Variants in NCALD observed in about 807,000 individuals in gnomAD.
The protein encoded by NCALD is neurocalcin delta, also known as neurocalcin-delta.
NCALD carries 10 observed loss-of-function variants against 18.6 expected under a neutral mutation model. The ratio of observed to expected loss-of-function variants is 0.54; its 90% CI spans 0.33 to 0.91. NCALD has a LOEUF of 0.91. NCALD is among the 40% of genes least tolerant of loss of function. NCALD has a pLI of 0.03. For missense variants in NCALD, 184 were observed against 247.6 expected (o/e 0.74, Z 1.72); for synonymous variants, 88 against 87.4 (o/e 1.01, Z -0.04).
chr8:101,845,632 T>C (rs982679704), intron 4 of NCALD, among the ~76,000 whole-genome samples: 29 of 152,340 alleles, frequency 1.9e-4, no homozygotes, highest in African/African-American at 6.5e-4. Flanking sequence ...GCTGGGTAAT[T>C]GGGATGTCCG....
intron 1 of NCALD, among the ~76,000 whole-genome samples, chr8:102,072,607 A>AAATAAT (rs559469098): frequency 1.3e-5 from 2 of 151,672 alleles, no homozygotes; most frequent in South Asian, 4.1e-4. Context: ...GAAGAAAGCA[A>AAATAAT]AATAATAATA....
intron 1 of NCALD, among the ~76,000 whole-genome samples, chr8:101,790,598 T>G (rs567388101): frequency 6.6e-6 from 1 of 152,282 alleles, no homozygotes; most frequent in African/African-American, 2.4e-5. Flanking sequence ...AGCTGCAAAA[T>G]CCGTATGTCT....
intron 1 of NCALD, among the ~76,000 whole-genome samples, chr8:101,755,837 T>G (rs1836195952): frequency 6.6e-6 from 1 of 152,204 alleles, no homozygotes; most frequent in Admixed American, 6.5e-5. Context: ...ATGTATGCAT[T>G]GTGAATGTGG....
At chr8:102,005,864 A>T (rs777649286) in intron 2 of NCALD, among the ~76,000 whole-genome samples, 1,414 of 109,412 alleles carry the variant, frequency 0.013, 15 homozygotes, top group Admixed American at 0.015. Context: ...AACATCACAC[A>T]CTGGGGCCTG....
intron 3 of NCALD, among the ~76,000 whole-genome samples, chr8:101,907,085 C>A (rs1302335120): frequency 1.3e-5 from 2 of 152,186 alleles, no homozygotes; most frequent in Non-Finnish European, 2.9e-5. Flanking sequence ...CTTTGTCCAT[C>A]ATGGATGTTT....
Position 102,004,708 on chromosome 8 carries a change from C to T in NCALD, c.-157+15529G>A, listed in dbSNP as rs9656850. Among the ~76,000 whole-genome samples, 9 of 151,952 alleles carry T rather than the reference C, an allele frequency of 5.9e-5. No homozygotes were observed. The East Asian group carries it at 1.7e-3, about 29-fold the overall frequency. ...TACAGACCAATGGAACAGAACAGAG[C>T]CCTCAGAAATAATGCCACATATCTA... is the stretch of plus-strand genomic sequence containing the variant. On this transcript the variant is annotated intron_variant, in intron 2 of 6. Transcript: ENST00000311028.
intron 1 of NCALD, among the ~76,000 whole-genome samples, chr8:102,116,912 G>T (rs992224032): frequency 2.0e-5 from 3 of 152,294 alleles, no homozygotes; most frequent in African/African-American, 7.2e-5. Flanking sequence ...TCTGGATCAC[G>T]CAGCTGGGTT....
chr8:101,703,193 T>G (rs1815351269), intron 2 of NCALD, among the ~76,000 whole-genome samples: 1 of 152,100 alleles, frequency 6.6e-6, no homozygotes. Context: ...CTAGAATGCT[T>G]CTTCATGAGA....
chr8:101,738,113 T>C (rs1440337831), intron 1 of NCALD, among the ~76,000 whole-genome samples: 1 of 152,220 alleles, frequency 6.6e-6, no homozygotes, highest in Non-Finnish European at 1.5e-5. Flanking sequence ...ACTTTCTTTA[T>C]ACAGGTCCAA....
At chr8:102,054,671 TAGATA>T (rs1444187522) in intron 1 of NCALD, among the ~76,000 whole-genome samples, 3 of 90,474 alleles carry the variant, frequency 3.3e-5, no homozygotes, top group Non-Finnish European at 4.6e-5. Flanking sequence ...GATAGATAGA[TAGATA>T]GATAGATAGA....
chr8:101,874,113 T>C (rs1006763412), intron 4 of NCALD, among the ~76,000 whole-genome samples: 2 of 152,200 alleles, frequency 1.3e-5, no homozygotes, highest in African/African-American at 4.8e-5. Flanking sequence ...TACTCCTGAA[T>C]ATATCTAGCT....
intron 1 of NCALD, chr8:101,786,077 A>AG (rs1812213004): frequency 6.6e-6 from 1 of 152,288 alleles, no homozygotes; most frequent in African/African-American, 2.4e-5. Context: ...ACCCCAGTTA[A>AG]TAGTACATAT....
chr8:101,776,254 A>G (rs1811786851), intron 1 of NCALD, among the ~76,000 whole-genome samples: 1 of 152,182 alleles, frequency 6.6e-6, no homozygotes, highest in Non-Finnish European at 1.5e-5. Context: ...CTTACCTGGG[A>G]TAATTCCCAG....
chr8:101,951,874 C>T (rs886512191), intron 2 of NCALD, among the ~76,000 whole-genome samples: 2 of 152,192 alleles, frequency 1.3e-5, no homozygotes, highest in African/African-American at 4.8e-5. Flanking sequence ...AAGTGGCCAG[C>T]ACCCTCCATG....
intron 3 of NCALD, among the ~76,000 whole-genome samples, chr8:101,900,870 T>C (rs1817396055): frequency 6.6e-6 from 1 of 152,076 alleles, no homozygotes; most frequent in South Asian, 2.1e-4. Context: ...GTTATGGTCT[T>C]CTCTATGTTT....
chr8:102,084,013 G>A (rs1271524179), intron 1 of NCALD, among the ~76,000 whole-genome samples: 1 of 152,216 alleles, frequency 6.6e-6, no homozygotes, highest in Non-Finnish European at 1.5e-5. Context: ...GGCCTGCTGT[G>A]AGGATTAAAT....
chr8:101,806,391 A>G (rs939089281), intron 4 of NCALD, among the ~76,000 whole-genome samples: 1 of 152,180 alleles, frequency 6.6e-6, no homozygotes, highest in Non-Finnish European at 1.5e-5. Flanking sequence ...TGTATTTTAG[A>G]AAGATTTCAA....
intron 1 of NCALD, chr8:101,745,948 T>C (rs1810408536): frequency 6.6e-6 from 1 of 152,232 alleles, no homozygotes; most frequent in Admixed American, 6.5e-5. Context: ...TCCAAGTCTC[T>C]GCTTCGATCA....
intron 3 of NCALD, chr8:101,691,486 C>T (rs1563655999): frequency 2.0e-6 from 2 of 985,348 alleles, no homozygotes; most frequent in Non-Finnish European, 2.4e-6. Flanking sequence ...CTTCTCCCAT[C>T]CTTCAGCCCT....
Sources: allele counts gnomAD v4.1 joint callset (sites outside exome capture counted in the v4.1 genomes callset), GRCh38; gene constraint gnomAD v4.1.1; transcripts MANE v1.5; gene names NCBI Gene and HGNC (gene_info 2026-07-23, HGNC 2026-07-21).